The following CSMD1 variants were observed in gnomAD, a reference collection of about 807,000 sequenced individuals.
CSMD1 encodes CUB and sushi domain-containing protein 1.
A neutral mutation model predicts 417.5 loss-of-function variants in CSMD1; 213 were observed. The observed-to-expected ratio is 0.51, with a 90% CI of 0.46 to 0.57. CSMD1 has a LOEUF of 0.57. CSMD1 is among the 20% of genes least tolerant of loss of function. The pLI is 0.00. For synonymous variants in CSMD1, 2,862 were observed against 1,736.8 expected (o/e 1.65, Z -16.11); for missense variants, 6,923 against 4,529.7 (o/e 1.53, Z -15.17).
At chr8:4,635,311 T>C (rs545765858) in intron 2 of CSMD1, among the ~76,000 whole-genome samples, 3 of 152,162 alleles carry the variant, frequency 2.0e-5, no homozygotes, top group African/African-American at 4.8e-5. Flanking sequence ...ATGTTTCTAA[T>C]TGTTCTAACT....
chr8:4,456,171 A>T (rs1192079920), intron 2 of CSMD1, among the ~76,000 whole-genome samples: 2 of 151,866 alleles, frequency 1.3e-5, no homozygotes, highest in Non-Finnish European at 2.9e-5. Flanking sequence ...TGTCTTTTGG[A>T]AAAAGCATGA....
chr8:3,591,600 G>T (rs73660321), intron 8 of CSMD1, among the ~76,000 whole-genome samples: 2,203 of 152,304 alleles, frequency 0.014, 57 homozygotes, highest in African/African-American at 0.049. Context: ...CTACTGACTG[G>T]CTAGGTAAGG....
chr8:3,279,702 G>T (rs1337518148), intron 26 of CSMD1, among the ~76,000 whole-genome samples: 1 of 152,112 alleles, frequency 6.6e-6, no homozygotes, highest in Non-Finnish European at 1.5e-5. Flanking sequence ...GGAGGCCTCA[G>T]GAAACTTACA....
chr8:4,910,975 C>G (rs1326850824), intron 1 of CSMD1, among the ~76,000 whole-genome samples: 4 of 152,102 alleles, frequency 2.6e-5, no homozygotes, highest in African/African-American at 9.7e-5. Context: ...CTCAGGAGAC[C>G]TGATGGTTCC....
intron 1 of CSMD1, among the ~76,000 whole-genome samples, chr8:4,943,735 G>A (rs1808180683): frequency 1.3e-5 from 2 of 152,126 alleles, no homozygotes; most frequent in Admixed American, 1.3e-4. Flanking sequence ...TATCCATCAT[G>A]ATGTGATAAG....
chr8:4,311,388 C>G (rs765803347), intron 3 of CSMD1, among the ~76,000 whole-genome samples: 4 of 152,104 alleles, frequency 2.6e-5, no homozygotes, highest in African/African-American at 7.2e-5. Context: ...TCTTGGCAAA[C>G]TAATGCAGGA....
chr8:3,237,054 AG>A (rs1350978827), intron 26 of CSMD1, among the ~76,000 whole-genome samples: 1 of 152,076 alleles, frequency 6.6e-6, no homozygotes, highest in African/African-American at 2.4e-5. Flanking sequence ...ACAAAACAGC[AG>A]TGGGTCTGAC....
At chr8:2,963,185 C>G in intron 60 of CSMD1, 37 bp downstream of exon 60, 1 of 1,607,680 alleles carries the variant, frequency 6.2e-7, no homozygotes, top group African/African-American at 1.3e-5. Context: ...TGTTGCAGAC[C>G]TGCAGTGGGC....
chr8:4,024,491 T>C (rs1473212724), intron 4 of CSMD1, among the ~76,000 whole-genome samples: 1 of 152,188 alleles, frequency 6.6e-6, no homozygotes, highest in Non-Finnish European at 1.5e-5. Context: ...CCACCCAAAC[T>C]ATAGCTGACT....
At chr8:3,685,615 G>C (rs996797313) in intron 7 of CSMD1, among the ~76,000 whole-genome samples, 1 of 152,288 alleles carries the variant, frequency 6.6e-6, no homozygotes, top group Admixed American at 6.5e-5. Flanking sequence ...TGGTGATCTG[G>C]TGAGTTTCAT....
intron 1 of CSMD1, among the ~76,000 whole-genome samples, chr8:4,682,307 A>T (rs1483025446): frequency 2.0e-5 from 3 of 152,180 alleles, no homozygotes; most frequent in Non-Finnish European, 4.4e-5. Flanking sequence ...CTAGGAATAC[A>T]AGCACAAGCC....
intron 5 of CSMD1, among the ~76,000 whole-genome samples, chr8:3,829,831 T>G (rs918064252): frequency 6.6e-6 from 1 of 152,184 alleles, no homozygotes; most frequent in African/African-American, 2.4e-5. Flanking sequence ...AAGTTCGTTT[T>G]AAGAAAGCTC....
intron 1 of CSMD1, among the ~76,000 whole-genome samples, chr8:4,671,635 A>G (rs544939565): frequency 6.6e-6 from 1 of 152,272 alleles, no homozygotes; most frequent in South Asian, 2.1e-4. Flanking sequence ...AGAGAGCTTC[A>G]ACTAAAACGT....
At chr8:4,088,175 G>C (rs568706450) in intron 3 of CSMD1, among the ~76,000 whole-genome samples, 1 of 152,128 alleles carries the variant, frequency 6.6e-6, no homozygotes, top group African/African-American at 2.4e-5. Context: ...TATTCTTCCC[G>C]TTGTTTTTAA....
rs147757269 is a variant in CSMD1 at position 4,558,490 on chromosome 8, A to G, written c.302+78852T>C. ...GACTTCAAAGTAACAGGTAAGTACA[A>G]TTATTCTCATGGGATTCCACTGAGC... On this transcript the variant is annotated intron_variant, in intron 2 of 69. Coordinates refer to ENST00000635120, the MANE Select transcript of CSMD1 (RefSeq NM_033225.6). Among the ~76,000 whole-genome samples the G allele has an allele frequency of 4.2e-3, 634 of 152,316 alleles. 2 individuals are homozygous for G. Among genetic ancestry groups the G allele is most frequent in the Middle Eastern group, 0.02 (6 of 294 alleles).
chr8:4,518,273 G>T (rs776301288), intron 2 of CSMD1, among the ~76,000 whole-genome samples: 1 of 151,994 alleles, frequency 6.6e-6, no homozygotes, highest in Non-Finnish European at 1.5e-5. Flanking sequence ...AGCAGCATCC[G>T]ACGCCCAGCA....
chr8:3,969,225 G>C (rs1300083447), intron 5 of CSMD1, among the ~76,000 whole-genome samples: 22 of 152,282 alleles, frequency 1.4e-4, no homozygotes, highest in African/African-American at 4.8e-4. Flanking sequence ...ACTCCAGCCT[G>C]GGTGACAGAG....
intron 5 of CSMD1, among the ~76,000 whole-genome samples, chr8:3,942,154 T>A (rs535592338): frequency 1.7e-4 from 26 of 152,064 alleles, no homozygotes; most frequent in African/African-American, 5.8e-4. Flanking sequence ...GATGGGACCA[T>A]CTAGTTGCAG....
At chr8:4,584,904 G>C (rs1279949489) in intron 2 of CSMD1, among the ~76,000 whole-genome samples, 1 of 152,114 alleles carries the variant, frequency 6.6e-6, no homozygotes, top group Non-Finnish European at 1.5e-5. Context: ...GGATTAAGCA[G>C]CTCAAATTTA....
Sources: gnomAD v4.1 joint callset for allele counts (sites outside exome capture counted in the v4.1 genomes callset) on GRCh38, gnomAD v4.1.1 for gene constraint, MANE v1.5 for transcripts, NCBI Gene and HGNC (gene_info 2026-07-23, HGNC 2026-07-21) for gene names.